PACS2: variants seen among roughly 807,000 people sequenced by gnomAD.
The protein encoded by PACS2 is PACS1-like protein.
In PACS2, 36 loss-of-function variants were observed where a neutral mutation model predicts 113.0. That is an observed-to-expected ratio of 0.32 (90% confidence interval 0.24 to 0.42). The LOEUF is 0.42. Ranked by LOEUF, PACS2 falls within the 10% of genes least tolerant of loss-of-function variation. PACS2 has a pLI of 1.00. For missense variants in PACS2, 1,015 were observed against 1,239.5 expected (o/e 0.82, Z 2.72); for synonymous variants, 589 against 536.1 (o/e 1.10, Z -1.36).
intron 4 of PACS2, among the ~76,000 whole-genome samples, chr14:105,364,476 C>T (rs587694510): frequency 9.1e-6 from 1 of 109,380 alleles, no homozygotes; most frequent in East Asian, 2.9e-4. Flanking sequence ...GTCCCGGGTG[C>T]GCGGTGGGTG....
rs2060905851 is a variant in PACS2 at position 105,365,337 on chromosome 14, T to A, written c.424-1876T>A. 6.6e-6 allele frequency among the ~76,000 whole-genome samples: 1 copy of A among 152,154 alleles called. No individual in the cohort carries two copies. ...GTCAGGAGGAGAGGAACATGCAGCCTGGAGTGTCGGGGCCTGGGACTTCCA... is the reference window on the plus strand; with the variant it reads ...GTCAGGAGGAGAGGAACATGCAGCCAGGAGTGTCGGGGCCTGGGACTTCCA... On this transcript the variant is annotated intron_variant, in intron 4 of 24. Coordinates refer to ENST00000447393, the MANE Select transcript of PACS2 (RefSeq NM_001100913.3). The surrounding 1 kb of genome is among the most constrained non-coding windows in gnomAD (Gnocchi z 5.1).
At chr14:105,338,680 T>A (rs1175654008) in intron 1 of PACS2, among the ~76,000 whole-genome samples, 2 of 152,214 alleles carry the variant, frequency 1.3e-5, no homozygotes, top group Non-Finnish European at 2.9e-5. Context: ...TGTGACCATG[T>A]GCCTGTGACC....
chr14:105,376,759 C>T lies in PACS2; in HGVS notation c.802-9C>T. On this transcript the variant is annotated splice_polypyrimidine_tract_variant and intron_variant, in intron 8 of 24. Coordinates refer to ENST00000447393, the MANE Select transcript of PACS2 (RefSeq NM_001100913.3). The surrounding 1 kb of genome is among the most constrained non-coding windows in gnomAD (Gnocchi z 4.7). ...GCAGGGAACTCACGCGTGCCTGGCACCCGTGCAGGTCCTGGACTCGGAGCA... is the reference window on the plus strand; with the variant it reads ...GCAGGGAACTCACGCGTGCCTGGCATCCGTGCAGGTCCTGGACTCGGAGCA... 6.2e-7 allele frequency: 1 copy of T among 1,611,314 alleles called. No homozygotes were observed. Among genetic ancestry groups the T allele is most frequent in the East Asian group, 2.2e-5 (1 of 44,796 alleles).
chr14:105,307,117 T>G (rs755590227), intron 1 of PACS2, among the ~76,000 whole-genome samples: 50 of 151,194 alleles, frequency 3.3e-4, no homozygotes, highest in Non-Finnish European at 6.6e-4. Context: ...TGATCATAGC[T>G]CACTGTCGTC....
At chr14:105,309,776 CTTTTTTTTTTTT>C (rs928875653), upstream of PACS2, among the ~76,000 whole-genome samples, 3 of 89,212 alleles carry the variant, frequency 3.4e-5, no homozygotes, top group Admixed American at 1.3e-4. The surrounding 1 kb of genome is among the most constrained non-coding windows in gnomAD (Gnocchi z 4.0). Flanking sequence ...TGATGTGTGT[CTTTTTTTTTTTT>C]TTTTTTTTTT....
chr14:105,384,307 G>A (rs1555412941), intron 16 of PACS2, 46 bp from the exon 17 acceptor site: 1 of 1,186,372 alleles, frequency 8.4e-7, no homozygotes, highest in Non-Finnish European at 1.2e-6. Flanking sequence ...GAGCCTTGCA[G>A]CTCCGAGTCC....
Position 105,308,569 on chromosome 14 carries a change from G to A in PACS2, c.-83+7590G>A, listed in dbSNP as rs587611192. On this transcript the variant is annotated intron_variant, in intron 1 of 23. Transcript: ENST00000430725. ...GCAATCTTGGCTCACTGCAACCTCC[G>A]CCTCCTGGGTTCAAGTGATTCTCCT... Among the ~76,000 whole-genome samples, 8 of 144,154 alleles carry A rather than the reference G, an allele frequency of 5.5e-5. 1 individual carries two copies. Among genetic ancestry groups the A allele is most frequent in the Middle Eastern group, 3.4e-3 (1 of 292 alleles). The allele number at this position is 144,154 out of a possible 152,430, so 94.6% of individuals were successfully genotyped here. A position where few individuals can be genotyped will look rare whatever the true frequency, so the allele number is the denominator to read the frequency against.
At chr14:105,385,650 G>T in intron 18 of PACS2, 35 bp from the exon 19 acceptor site, 1 of 1,496,390 alleles carries the variant, frequency 6.7e-7, no homozygotes, top group African/African-American at 1.4e-5. Context: ...GCGTCGTAAC[G>T]TGTCTGTTTT....
rs1233309909 is a variant in PACS2, at chr14:105,330,455, CAG to C, written c.119+15419_119+15420del. Among the ~76,000 whole-genome samples, 50 of 152,196 alleles carry C rather than the reference CAG, an allele frequency of 3.3e-4. No individual in the cohort carries two copies. Among genetic ancestry groups the C allele is most frequent in the African/African-American group, 9.9e-4 (41 of 41,448 alleles). ...ATGTCCTGCCTTAGACGAGGTCACA[CAG>C]GGGAAGGTTACTGTGCCGCAGAGTT... On this transcript the variant is annotated intron_variant, in intron 1 of 24. Transcript: ENST00000447393. The surrounding 1 kb of genome is among the most constrained non-coding windows in gnomAD (Gnocchi z 6.9).
intron 21 of PACS2, 96 bp from the exon 22 acceptor site, chr14:105,391,535 G>A (rs2081356668): frequency 1.6e-6 from 1 of 633,738 alleles, no homozygotes; most frequent in Admixed American, 2.9e-5. Context: ...ACCCCCAGGA[G>A]CTGCCTGGCC....
At chr14:105,313,385 C>T (rs1393222091), upstream of PACS2, among the ~76,000 whole-genome samples, 3 of 152,232 alleles carry the variant, frequency 2.0e-5, no homozygotes, top group African/African-American at 7.2e-5. Context: ...CGGCCCTCTG[C>T]CCGCCGAGCA....
intron 2 of PACS2, among the ~76,000 whole-genome samples, chr14:105,349,036 G>A (rs376601581): frequency 3.3e-5 from 5 of 152,350 alleles, no homozygotes; most frequent in African/African-American, 9.6e-5. Context: ...ACCCTAGTGG[G>A]TCCTGTGACC....
chr14:105,364,320 C>A (rs1233213250), intron 4 of PACS2, among the ~76,000 whole-genome samples: 1 of 106,848 alleles, frequency 9.4e-6, no homozygotes, highest in Non-Finnish European at 1.6e-5. Flanking sequence ...CCCGGGTGCG[C>A]GGTGGGCGGC....
intron 2 of PACS2, among the ~76,000 whole-genome samples, chr14:105,351,147 C>T (rs189623658): frequency 4.6e-5 from 7 of 152,356 alleles, no homozygotes; most frequent in African/African-American, 9.6e-5. Flanking sequence ...CGCCGGCCTC[C>T]GGGAACCTTG....
At chr14:105,371,503 G>A (rs1159791414) in intron 8 of PACS2, 5 of 152,272 alleles carry the variant, frequency 3.3e-5, no homozygotes, top group East Asian at 1.9e-4. Flanking sequence ...TAATTGCACA[G>A]CGTTGTGTGA....
intron 1 of PACS2, among the ~76,000 whole-genome samples, chr14:105,339,278 G>A (rs1208904134): frequency 2.0e-5 from 3 of 152,012 alleles, no homozygotes; most frequent in South Asian, 4.2e-4. Context: ...AGGTCAAGGT[G>A]GGGGGACCAC....
intron 1 of PACS2, among the ~76,000 whole-genome samples, chr14:105,316,841 G>C (rs1007654209): frequency 1.3e-5 from 2 of 152,018 alleles, no homozygotes; most frequent in African/African-American, 4.8e-5. Flanking sequence ...GTAGGCAGGA[G>C]GACAGGATTT....
intron 13 of PACS2, 100 bp downstream of exon 13, chr14:105,382,158 G>T: frequency 7.7e-7 from 1 of 1,303,562 alleles, no homozygotes; most frequent in Non-Finnish European, 1.0e-6. Flanking sequence ...GGCCAAGGGT[G>T]CTGGGCCACA....
At chr14:105,310,287 T>C (rs1043898537), upstream of PACS2, among the ~76,000 whole-genome samples, 2 of 151,454 alleles carry the variant, frequency 1.3e-5, no homozygotes, top group Non-Finnish European at 2.9e-5. Flanking sequence ...TCCCAGCACT[T>C]TGGGAGGTCG....
Sources: gnomAD v4.1 joint callset for allele counts (sites outside exome capture counted in the v4.1 genomes callset) on GRCh38, gnomAD v4.1.1 for gene constraint, Gnocchi (gnomAD v3.1) non-coding constraint, MANE v1.5 for transcripts, NCBI Gene and HGNC (gene_info 2026-07-23, HGNC 2026-07-21) for gene names.